Variants in TPRKB observed in about 807,000 individuals in gnomAD.
TPRKB encodes EKC/KEOPS complex subunit TPRKB.
Under a neutral mutation model 17.8 loss-of-function variants are expected in TPRKB, and 11 were observed. The observed-to-expected ratio is 0.62, with a 90% CI of 0.39 to 1.02. The LOEUF is 1.02. Among genes scored for constraint, TPRKB ranks in the 50% least tolerant of loss-of-function variants. TPRKB has a pLI of 0.00. For synonymous variants in TPRKB, 71 were observed against 69.5 expected, an observed-to-expected ratio of 1.02 and a Z score of -0.11; for missense variants, 228 against 198.0, an observed-to-expected ratio of 1.15 and a Z score of -0.91.
chr2:73,731,563 T>G (rs1671613199), intron 3 of TPRKB, among the ~76,000 whole-genome samples: 1 of 152,244 alleles, frequency 6.6e-6, no homozygotes, highest in South Asian at 2.1e-4. Context: ...AGTACCTGGT[T>G]GTTATTAACA....
intron 1 of TPRKB, among the ~76,000 whole-genome samples, chr2:73,734,894 C>G (rs1448647885): frequency 6.6e-6 from 1 of 152,198 alleles, no homozygotes; most frequent in East Asian, 1.9e-4. Context: ...AGCAGAATGT[C>G]AGGAATTTTT....
rs145802972 is a variant in TPRKB, at chr2:73,737,343, A to C, written c.-64T>G. 6.0e-4 allele frequency: 91 copies of C among 152,296 alleles called. No homozygotes were observed. Among genetic ancestry groups the C allele is most frequent in the African/African-American group, 2.2e-3 (90 of 41,560 alleles). 9.4% of individuals were successfully genotyped at this position (152,296 alleles called of 1,614,324 possible). A position where few individuals can be genotyped will look rare whatever the true frequency, so the allele number is the denominator to read the frequency against. On this transcript the variant is annotated 5_prime_UTR_variant, in exon 1 of 5. Transcript: ENST00000272424. Reference sequence around the variant, plus strand: ...CGTCTCGGAAGAGCTCCCGCTCCGAAACAAAGCTCACAACTTCCGGAAGCG... The same window carrying C: ...CGTCTCGGAAGAGCTCCCGCTCCGACACAAAGCTCACAACTTCCGGAAGCG...
intron 3 of TPRKB, 57 bp downstream of exon 3, chr2:73,732,104 ACT>A (rs1671636995): frequency 1.3e-6 from 2 of 1,568,912 alleles, no homozygotes; most frequent in Admixed American, 3.6e-5. Context: ...CCAACCCAAC[ACT>A]GAGGAACACA....
intron 2 of TPRKB, among the ~76,000 whole-genome samples, chr2:73,733,378 C>A (rs1283920271): frequency 6.6e-6 from 1 of 151,250 alleles, no homozygotes; most frequent in Non-Finnish European, 1.5e-5. Flanking sequence ...TGTGCCTCAG[C>A]CTCCCGAGTA....
At chr2:73,733,246 G>GTTTTTTTTTTTTTTTTTTTTTTTTTT (rs3076394) in intron 2 of TPRKB, among the ~76,000 whole-genome samples, 2 of 119,378 alleles carry the variant, frequency 1.7e-5, no homozygotes, top group Non-Finnish European at 3.5e-5. Context: ...CGTGTGCCCT[G>GTTTTTTTTTTTTTTTTTTTTTTTTTT]TTTTTTTGTT....
At chr2:73,736,830 C>T (rs1369334325) in intron 1 of TPRKB, among the ~76,000 whole-genome samples, 1 of 152,146 alleles carries the variant, frequency 6.6e-6, no homozygotes, top group Non-Finnish European at 1.5e-5. Flanking sequence ...TCACGGTGTT[C>T]CACACTCTAC....
rs530183542 is a variant in TPRKB at position 73,736,037 on chromosome 2, A to G, written c.-23+1265T>C. Among the ~76,000 whole-genome samples the G allele has an allele frequency of 4.9e-4, 74 of 152,328 alleles. 2 individuals are homozygous for G. The South Asian group carries it at 0.014, about 29-fold the overall frequency. On this transcript the variant is annotated intron_variant, in intron 1 of 4. Coordinates refer to ENST00000272424, the MANE Select transcript of TPRKB (RefSeq NM_016058.5). ...ACATCTGAATGGAAAACAAAACACA[A>G]ACTGGCCAAAATGTGGGTTTTTTAA...
rs769721582 is a variant in TPRKB at position 73,732,322 on chromosome 2, A to G, written c.142-37T>C. 3.8e-6 allele frequency: 6 copies of G among 1,597,864 alleles called. No individual in the cohort carries two copies. In the African/African-American group the frequency reaches 8.1e-5, roughly 22 times the overall value. On this transcript the variant is annotated intron_variant, in intron 2 of 4. Coordinates refer to ENST00000272424, the MANE Select transcript of TPRKB (RefSeq NM_016058.5). ...AGGAAAAAGAATTAATTACACATGGAGAATCTGCAGTGCCTGAAAACACAT... is the reference window on the plus strand; with the variant it reads ...AGGAAAAAGAATTAATTACACATGGGGAATCTGCAGTGCCTGAAAACACAT...
chr2:73,734,718 C>G, intron 1 of TPRKB, 127 bp from the exon 2 acceptor site: 1 of 859,198 alleles, frequency 1.2e-6, no homozygotes, highest in South Asian at 1.9e-5. Flanking sequence ...AATCCATCGC[C>G]AAAGCCCATT....
At chr2:73,736,470 TG>T (rs1183035599) in intron 1 of TPRKB, among the ~76,000 whole-genome samples, 2 of 152,104 alleles carry the variant, frequency 1.3e-5, no homozygotes, top group East Asian at 1.9e-4. Flanking sequence ...TAACACTGAG[TG>T]GGGGGAAGAA....
intron 2 of TPRKB, among the ~76,000 whole-genome samples, chr2:73,732,877 A>G (rs1671687117): frequency 6.6e-6 from 1 of 152,168 alleles, no homozygotes; most frequent in Non-Finnish European, 1.5e-5. Flanking sequence ...TTTACTTGTA[A>G]TATTTTCTTT....
intron 4 of TPRKB, chr2:73,730,275 T>C (rs1671537965): frequency 2.3e-6 from 1 of 429,236 alleles, no homozygotes; most frequent in Non-Finnish European, 4.0e-6. Flanking sequence ...TTTAAAAGCA[T>C]ACTAAATTTA....
At chr2:73,736,175 C>T (rs1671867799) in intron 1 of TPRKB, among the ~76,000 whole-genome samples, 1 of 151,920 alleles carries the variant, frequency 6.6e-6, no homozygotes, top group African/African-American at 2.4e-5. Flanking sequence ...TATTTGTGAA[C>T]GATATCCTGG....
intron 1 of TPRKB, among the ~76,000 whole-genome samples, chr2:73,736,285 T>C (rs972797073): frequency 6.6e-6 from 1 of 152,156 alleles, no homozygotes; most frequent in Non-Finnish European, 1.5e-5. Context: ...ACATATTTTT[T>C]TAAAATACAT....
intron 2 of TPRKB, 81 bp from the exon 3 acceptor site, chr2:73,732,366 C>G (rs1671655763): frequency 6.9e-7 from 1 of 1,439,204 alleles, no homozygotes; most frequent in African/African-American, 1.4e-5. Flanking sequence ...ATGGTTAACT[C>G]CAGTGTCAAG....
At chr2:73,731,065 T>G in intron 3 of TPRKB, 1 of 191,130 alleles carries the variant, frequency 5.2e-6, no homozygotes, top group Non-Finnish European at 1.1e-5. Flanking sequence ...TGCCTGGGGA[T>G]CCAGTCACAT....
At chr2:73,735,424 C>T (rs371874480) in intron 1 of TPRKB, among the ~76,000 whole-genome samples, 1 of 151,956 alleles carries the variant, frequency 6.6e-6, no homozygotes, top group African/African-American at 2.4e-5. Flanking sequence ...AAACATGGCA[C>T]ATGTATACAG....
At chr2:73,730,829 A>G in intron 3 of TPRKB, 93 bp from the exon 4 acceptor site, 1 of 933,666 alleles carries the variant, frequency 1.1e-6, no homozygotes, top group East Asian at 2.9e-5. Context: ...TTCCTTGGTC[A>G]GGCTCTTATT....
Position 73,734,552 on chromosome 2 carries a change from CT to C in TPRKB, c.17del (p.Gln6ArgfsTer10). The C allele has an allele frequency of 6.2e-7, 1 of 1,612,358 alleles. No homozygotes were observed. Among genetic ancestry groups the C allele is most frequent in the East Asian group, 2.2e-5 (1 of 44,878 alleles). MQLTH[Q>X]LDLFPECRVT... ...CCCTGCATTCGGGAAATAGGTCCAG[CT>C]GATGTGTTAACTGCATTTCACAGAT... On this transcript the variant is annotated frameshift_variant, in exon 2 of 5. Coordinates refer to ENST00000272424, the MANE Select transcript of TPRKB (RefSeq NM_016058.5). LOFTEE classifies it high-confidence loss of function.
Sources: allele counts gnomAD v4.1 joint callset (sites outside exome capture counted in the v4.1 genomes callset), GRCh38; gene constraint gnomAD v4.1.1; transcripts MANE v1.5; gene names NCBI Gene and HGNC (gene_info 2026-07-23, HGNC 2026-07-21).